The following LAMA3 variants were observed in gnomAD, a reference collection of about 807,000 sequenced individuals.
LAMA3 encodes the protein laminin subunit alpha 3.
A neutral mutation model predicts 402.0 loss-of-function variants in LAMA3; 281 were observed. That is an observed-to-expected ratio of 0.70 (90% CI 0.63 to 0.77). The LOEUF (loss-of-function observed/expected upper bound fraction) is 0.77, where lower values mean the gene tolerates loss of function less well. LAMA3 is among the 30% of genes least tolerant of loss of function. The pLI is 0.00. For missense variants in LAMA3, 3,840 were observed against 4,215.5 expected (o/e 0.91, Z 2.47); for synonymous variants, 1,431 against 1,558.4 (o/e 0.92, Z 1.93).
At chr18:23,733,309 G>A (rs1260175050) in intron 2 of LAMA3, among the ~76,000 whole-genome samples, 3 of 152,148 alleles carry the variant, frequency 2.0e-5, no homozygotes, top group Non-Finnish European at 4.4e-5. Flanking sequence ...CTGAGACCGG[G>A]TAATTTATAA....
intron 12 of LAMA3, among the ~76,000 whole-genome samples, chr18:23,800,369 G>C (rs939552553): frequency 2.6e-5 from 4 of 152,166 alleles, no homozygotes; most frequent in African/African-American, 9.7e-5. Flanking sequence ...ATAAGGAGAT[G>C]AGAGAGGGAA....
chr18:23,742,918 G>A (rs948376254), intron 2 of LAMA3, among the ~76,000 whole-genome samples: 3 of 152,176 alleles, frequency 2.0e-5, no homozygotes, highest in African/African-American at 7.2e-5. Flanking sequence ...GGCACAGGGA[G>A]TACTATTTAG....
intron 2 of LAMA3, among the ~76,000 whole-genome samples, chr18:23,745,798 T>G (rs2337191): frequency 6.6e-6 from 1 of 152,124 alleles, no homozygotes; most frequent in Non-Finnish European, 1.5e-5. Flanking sequence ...TTTTAGAGGG[T>G]TATGTGTGCT....
At chr18:23,757,294 A>G (rs2061867795) in intron 6 of LAMA3, among the ~76,000 whole-genome samples, 1 of 150,816 alleles carries the variant, frequency 6.6e-6, no homozygotes, top group South Asian at 2.1e-4. Context: ...CCACCCCTTC[A>G]TGCCCCCGGC....
At chr18:23,713,839 G>T in intron 1 of LAMA3, 81 bp from the exon 2 acceptor site, 1 of 1,297,378 alleles carries the variant, frequency 7.7e-7, no homozygotes. Context: ...CCCTGTATTT[G>T]CTATATGGAT....
intron 58 of LAMA3, 148 bp from the exon 59 acceptor site, chr18:23,915,141 G>A: frequency 1.1e-6 from 1 of 916,698 alleles, no homozygotes; most frequent in South Asian, 1.5e-5. Context: ...CATACAGCTA[G>A]TAAATAGCAA....
At chr18:23,870,796 C>A (rs1237741647) in intron 37 of LAMA3, among the ~76,000 whole-genome samples, 1 of 152,066 alleles carries the variant, frequency 6.6e-6, no homozygotes, top group Non-Finnish European at 1.5e-5. Flanking sequence ...CAATTCTTAG[C>A]AACAGAAATT....
chr18:23,833,217 C>T (rs1222885186), intron 23 of LAMA3, among the ~76,000 whole-genome samples: 3 of 152,056 alleles, frequency 2.0e-5, no homozygotes, highest in East Asian at 1.9e-4. Context: ...AAAGACATCC[C>T]GAATTGTCTA....
intron 64 of LAMA3, among the ~76,000 whole-genome samples, chr18:23,929,705 G>A (rs968652756): frequency 5.3e-5 from 8 of 152,114 alleles, no homozygotes; most frequent in South Asian, 2.1e-4. Flanking sequence ...CAGTCCTTGA[G>A]GTTTTATTTT....
chr18:23,787,550 GAC>G (rs1159959007), intron 12 of LAMA3, among the ~76,000 whole-genome samples: 1 of 151,916 alleles, frequency 6.6e-6, no homozygotes, highest in African/African-American at 2.4e-5. Context: ...GAAAGACAAA[GAC>G]AAAGAGAAAA....
intron 2 of LAMA3, among the ~76,000 whole-genome samples, chr18:23,743,785 G>A (rs192518184): frequency 8.5e-4 from 129 of 152,306 alleles, no homozygotes; most frequent in African/African-American, 3.0e-3. Context: ...CACGTGGAGA[G>A]ATTACAACTC....
At chr18:23,836,932 G>A (rs2063592919) in intron 24 of LAMA3, 49 bp from the exon 25 acceptor site, 1 of 1,332,278 alleles carries the variant, frequency 7.5e-7, no homozygotes, top group East Asian at 2.3e-5. Context: ...TGTGCAGAAT[G>A]AGGGAGATGC....
Position 23,845,091 on chromosome 18 carries a change from T to C in LAMA3, c.3686T>C (p.Ile1229Thr). 6.2e-7 allele frequency: 1 copy of C among 1,612,068 alleles called. No homozygotes were observed. Among genetic ancestry groups the C allele is most frequent in the Non-Finnish European group, 8.5e-7 (1 of 1,178,080 alleles). ...TCCATGGACAAGTCACTCGAGTTTA[T>C]CACCAATTGTGGAAAAAACAGCTTT... Reference protein sequence around the residue: ...KKSMDKSLEFITNCGKNSFYL... With the variant: ...KKSMDKSLEFTTNCGKNSFYL... The change falls in exon 30 of 75, where the codon ATC becomes ACC. Residue 1229 changes from isoleucine to threonine, a missense_variant. This residue lies in a region of LAMA3 where 2,109 missense variants were observed against 2,376.0 expected (regional missense o/e 0.89). Coordinates refer to ENST00000313654, the MANE Select transcript of LAMA3 (RefSeq NM_198129.4).
intron 1 of LAMA3, among the ~76,000 whole-genome samples, chr18:23,701,658 G>A (rs1230341081): frequency 6.6e-6 from 1 of 152,208 alleles, no homozygotes; most frequent in Non-Finnish European, 1.5e-5. Flanking sequence ...CCTCAGAGCA[G>A]TTATAATCCA....
At chr18:23,692,937 A>G (rs1231309762) in intron 1 of LAMA3, among the ~76,000 whole-genome samples, 1 of 152,164 alleles carries the variant, frequency 6.6e-6, no homozygotes, top group Non-Finnish European at 1.5e-5. Context: ...TGTCCTTTAC[A>G]TTATTGTTGC....
Position 23,905,601 on chromosome 18 carries a change from T to C in LAMA3, c.6695T>C (p.Met2232Thr). 1 of 1,609,684 alleles carries C rather than the reference T, an allele frequency of 6.2e-7. No homozygotes were observed. The highest frequency in any genetic ancestry group is 8.5e-7 in the Non-Finnish European group (1 of 1,176,506). Reference protein sequence around the residue: ...NSDKLLNEAKMTQKKLKQEVS... With the variant: ...NSDKLLNEAKTTQKKLKQEVS... ...GATAAACTGTTAAATGAAGCCAAGA[T>C]GACACAAAAGAAGCTAAAGCAAGGT... Residue 2232 changes from methionine to threonine, a missense_variant, in exon 52 of 75, where the codon ATG becomes ACG. Transcript: ENST00000313654.
chr18:23,951,856 C>A, intron 73 of LAMA3, 79 bp downstream of exon 73: 1 of 1,090,728 alleles, frequency 9.2e-7, no homozygotes, highest in Non-Finnish European at 1.4e-6. Flanking sequence ...CCAAAGGCAG[C>A]CTCAGCCCCT....
intron 1 of LAMA3, among the ~76,000 whole-genome samples, chr18:23,709,404 C>T (rs930870029): frequency 3.3e-5 from 5 of 151,216 alleles, no homozygotes; most frequent in Non-Finnish European, 5.9e-5. Context: ...ATAATTTTAT[C>T]TTTAAATAAA....
chr18:23,750,670 AATG>A (rs1039531745), intron 4 of LAMA3, among the ~76,000 whole-genome samples: 1 of 152,016 alleles, frequency 6.6e-6, no homozygotes, highest in African/African-American at 2.4e-5. Flanking sequence ...TTGAAAACGT[AATG>A]ATAACATCTC....
Sources: allele counts gnomAD v4.1 joint callset (sites outside exome capture counted in the v4.1 genomes callset), GRCh38; gene constraint gnomAD v4.1.1; regional missense constraint gnomAD v4.1.1; transcripts MANE v1.5; gene names NCBI Gene and HGNC (gene_info 2026-07-23, HGNC 2026-07-21).